Variants in SINHCAF observed in about 807,000 individuals in gnomAD.
SINHCAF encodes the protein SIN3-HDAC complex associated factor.
SINHCAF carries 3 observed loss-of-function variants against 25.8 expected under a neutral mutation model. That is an observed-to-expected ratio of 0.12 (90% CI 0.05 to 0.30). The LOEUF (loss-of-function observed/expected upper bound fraction) is 0.30. Among genes scored for constraint, SINHCAF ranks in the 10% least tolerant of loss-of-function variants. The pLI is 1.00. For synonymous variants in SINHCAF, 70 were observed against 85.5 expected, an observed-to-expected ratio of 0.82 and a Z score of 1.00; for missense variants, 121 against 262.3, an observed-to-expected ratio of 0.46 and a Z score of 3.72.
At chr12:31,318,003 G>T (rs751782365) in intron 1 of SINHCAF, among the ~76,000 whole-genome samples, 6 of 152,188 alleles carry the variant, frequency 3.9e-5, no homozygotes, top group Non-Finnish European at 1.5e-5. Context: ...AAATACTCGC[G>T]ATCACAAACT....
At position 31,281,475 on chromosome 12, in the gene SINHCAF, C is replaced by T. The variant is rs1211784570; in HGVS notation, c.*1237G>A. 2 of 152,202 alleles carry T rather than the reference C, an allele frequency of 1.3e-5. No individual in the cohort carries two copies. Among genetic ancestry groups the T allele is most frequent in the Non-Finnish European group, 2.9e-5 (2 of 68,036 alleles). 9.4% of individuals were successfully genotyped at this position (152,202 alleles called of 1,614,324 possible). A position where few individuals can be genotyped will look rare whatever the true frequency, so the allele number is the denominator to read the frequency against. On this transcript the variant is annotated 3_prime_UTR_variant, in exon 6 of 6. Transcript: ENST00000337682. Reference sequence around the variant, plus strand: ...AGATAAAAACCTTCACAAAGGTCAACTGAAGTAATCCAGAGCTGAAACTGA... The same window carrying T: ...AGATAAAAACCTTCACAAAGGTCAATTGAAGTAATCCAGAGCTGAAACTGA...
chr12:31,309,832 A>C (rs1164514569), intron 1 of SINHCAF, among the ~76,000 whole-genome samples: 1 of 151,822 alleles, frequency 6.6e-6, no homozygotes, highest in African/African-American at 2.4e-5. Flanking sequence ...CGCTCGGCTA[A>C]TTTTGTATTT....
intron 1 of SINHCAF, among the ~76,000 whole-genome samples, chr12:31,300,540 A>G (rs11832022): frequency 0.15 from 22,687 of 152,232 alleles, 2,246 homozygotes; most frequent in Non-Finnish European, 0.23. Flanking sequence ...CAGTCATAAG[A>G]AAAGATCTAG....
At chr12:31,283,985 T>C (rs1937928139) in intron 5 of SINHCAF, among the ~76,000 whole-genome samples, 1 of 152,162 alleles carries the variant, frequency 6.6e-6, no homozygotes, top group South Asian at 2.1e-4. Context: ...TATAATATTC[T>C]ACCCTGTGAA....
Position 31,284,215 on chromosome 12 carries a change from CTTTA to C in SINHCAF, c.507-1348_507-1345del, listed in dbSNP as rs892624324. Among the ~76,000 whole-genome samples, 54 of 152,236 alleles carry C rather than the reference CTTTA, an allele frequency of 3.5e-4. 1 individual carries two copies. The highest frequency in any genetic ancestry group is 1.2e-3 in the African/African-American group (49 of 41,546). On this transcript the variant is annotated intron_variant, in intron 5 of 5. Transcript: ENST00000337682. ...CTTCTCCCCAACATTTGGTAATAGA[CTTTA>C]TTTTAGTTTTTTCACCAATCTAATG... is the stretch of plus-strand genomic sequence containing the variant.
intron 1 of SINHCAF, among the ~76,000 whole-genome samples, chr12:31,306,204 T>C (rs1939020407): frequency 6.6e-6 from 1 of 152,112 alleles, no homozygotes; most frequent in Non-Finnish European, 1.5e-5. Context: ...CTTAAGATGG[T>C]GGCAGCTAGA....
In SINHCAF at chr12:31,303,098, C is replaced by G; in HGVS notation, c.-20-4874G>C. 4.1e-6 allele frequency: 4 copies of G among 985,338 alleles called. No individual in the cohort carries two copies. In the South Asian group the frequency reaches 1.9e-4, roughly 46 times the overall value. The allele number at this position is 985,338 out of a possible 1,614,324, so 61.0% of individuals were successfully genotyped here. A position where few individuals can be genotyped will look rare whatever the true frequency, so the allele number is the denominator to read the frequency against. ...ATGTTTTTCAAGATTTGAGGGGTTACAGTTAAAACATGCCTATTTATGGGA... is the reference window on the plus strand; with the variant it reads ...ATGTTTTTCAAGATTTGAGGGGTTAGAGTTAAAACATGCCTATTTATGGGA... On this transcript the variant is annotated intron_variant, in intron 1 of 5. Transcript: ENST00000337682.
chr12:31,280,692 T>C lies in SINHCAF; in HGVS notation c.*2020A>G, dbSNP rs1937755301. 1 of 152,378 alleles carries C rather than the reference T, an allele frequency of 6.6e-6. No homozygotes were observed. The highest frequency in any genetic ancestry group is 6.6e-5 in the Admixed American group (1 of 15,246). 9.4% of individuals were successfully genotyped at this position (152,378 alleles called of 1,614,324 possible). On this transcript the variant is annotated 3_prime_UTR_variant, in exon 6 of 6. Transcript: ENST00000337682. Reference sequence around the variant, plus strand: ...AACAGATCTGTAGATTTCTAATATATTAATACAAAGTGCATGACTACATAC... The same window carrying C: ...AACAGATCTGTAGATTTCTAATATACTAATACAAAGTGCATGACTACATAC...
chr12:31,309,664 A>ATTTTTTT (rs869251301), intron 1 of SINHCAF, among the ~76,000 whole-genome samples: 37 of 128,740 alleles, frequency 2.9e-4, no homozygotes, highest in African/African-American at 1.0e-3. Context: ...TCAACTTGTG[A>ATTTTTTT]TTTTTTTTTT....
intron 1 of SINHCAF, among the ~76,000 whole-genome samples, chr12:31,309,537 G>A (rs1471671487): frequency 6.6e-6 from 1 of 152,108 alleles, no homozygotes; most frequent in African/African-American, 2.4e-5. Context: ...CTTAGCTTCT[G>A]GCATTAGTAG....
At chr12:31,285,418 T>TACACACAC (rs71444392) in intron 5 of SINHCAF, among the ~76,000 whole-genome samples, 24,792 of 141,136 alleles carry the variant, frequency 0.18, 2,234 homozygotes, top group African/African-American at 0.22. Context: ...TATATATACA[T>TACACACAC]ACACACACAC....
At chr12:31,296,602 C>T (rs776654264) in intron 2 of SINHCAF, among the ~76,000 whole-genome samples, 12 of 152,120 alleles carry the variant, frequency 7.9e-5, no homozygotes, top group Non-Finnish European at 1.3e-4. Context: ...GATGAGGTGG[C>T]TTATGCCTGT....
intron 1 of SINHCAF, among the ~76,000 whole-genome samples, chr12:31,310,219 A>G (rs1057011966): frequency 5.3e-5 from 8 of 152,192 alleles, no homozygotes; most frequent in African/African-American, 1.7e-4. Flanking sequence ...GTGAACTTAA[A>G]GCAAGGGATG....
At chr12:31,301,015 C>A (rs1938769868) in intron 1 of SINHCAF, among the ~76,000 whole-genome samples, 1 of 152,186 alleles carries the variant, frequency 6.6e-6, no homozygotes, top group Non-Finnish European at 1.5e-5. Context: ...TCCCTTCCCC[C>A]AAATAAACAA....
At chr12:31,297,160 T>C (rs1938583117) in intron 2 of SINHCAF, 2 of 308,528 alleles carry the variant, frequency 6.5e-6, no homozygotes, top group Non-Finnish European at 1.3e-5. Flanking sequence ...TTTTTAACTA[T>C]TCTGAAGGTG....
chr12:31,318,523 A>G (rs1939580456), intron 1 of SINHCAF, among the ~76,000 whole-genome samples: 1 of 152,206 alleles, frequency 6.6e-6, no homozygotes, highest in Non-Finnish European at 1.5e-5. Context: ...CCTATATAGG[A>G]AAGAGGTCAA....
Position 31,325,010 on chromosome 12 carries a change from A to C in SINHCAF, c.-21+1014T>G. 2.2e-6 allele frequency: 1 copy of C among 456,762 alleles called. No homozygotes were observed. Among genetic ancestry groups the C allele is most frequent in the Non-Finnish European group, 4.4e-6 (1 of 226,968 alleles). 28.3% of individuals were successfully genotyped at this position (456,762 alleles called of 1,614,324 possible). A position where few individuals can be genotyped will look rare whatever the true frequency, so the allele number is the denominator to read the frequency against. ...GGCTCACGCGGGGCTGGACATTCGG[A>C]CAAGGACCAGGGTCGCAGCCCGAAG... is the stretch of plus-strand genomic sequence containing the variant. On this transcript the variant is annotated intron_variant, in intron 1 of 5. Transcript: ENST00000337682. The surrounding 1 kb of genome is among the most constrained non-coding windows in gnomAD (Gnocchi z 5.9).
rs779072830 is a variant in SINHCAF, at chr12:31,316,364, C to CT, written c.-21+9659dup. On this transcript the variant is annotated intron_variant, in intron 1 of 5. Transcript: ENST00000337682. ...AAACACAACAATCAATTCTAAACAT[C>CT]TGTTTTGGCTGATTTGTAGGGTTTT... Among the ~76,000 whole-genome samples the CT allele has an allele frequency of 3.9e-5, 6 of 152,054 alleles. No homozygotes were observed. The East Asian group carries it at 5.8e-4, about 15-fold the overall frequency.
intron 1 of SINHCAF, among the ~76,000 whole-genome samples, chr12:31,310,562 T>A (rs1023633037): frequency 6.6e-6 from 1 of 152,212 alleles, no homozygotes; most frequent in Non-Finnish European, 1.5e-5. Context: ...AGGTTAAGTG[T>A]TACCATTGTT....
Sources: gnomAD v4.1 joint callset for allele counts (sites outside exome capture counted in the v4.1 genomes callset) on GRCh38, gnomAD v4.1.1 for gene constraint, Gnocchi (gnomAD v3.1) non-coding constraint, MANE v1.5 for transcripts, NCBI Gene and HGNC (gene_info 2026-07-23, HGNC 2026-07-21) for gene names.